Variants in ABCB5 observed in about 807,000 individuals in gnomAD.
ABCB5 encodes ATP binding cassette subfamily B member 5, also known as ATP-binding cassette sub-family B member 5.
A neutral mutation model predicts 144.2 loss-of-function variants in ABCB5; 155 were observed. The observed-to-expected ratio is 1.08, with a 90% CI of 0.94 to 1.23. The LOEUF is 1.23. Ranked by LOEUF, ABCB5 falls within the 50% of genes most tolerant of loss-of-function variation. The pLI is 0.00. For missense variants in ABCB5, 1,830 were observed against 1,520.8 expected, an observed-to-expected ratio of 1.20 and a Z score of -3.38; for synonymous variants, 610 against 528.6, an observed-to-expected ratio of 1.15 and a Z score of -2.11.
At chr7:20,657,212 T>C (rs938112894) in intron 13 of ABCB5, among the ~76,000 whole-genome samples, 3 of 152,212 alleles carry the variant, frequency 2.0e-5, no homozygotes, top group Non-Finnish European at 2.9e-5. Flanking sequence ...CCCGGACAAA[T>C]TGTGATAGAT....
At chr7:20,670,684 C>T (rs926515613) in intron 14 of ABCB5, among the ~76,000 whole-genome samples, 12 of 152,206 alleles carry the variant, frequency 7.9e-5, no homozygotes, top group African/African-American at 2.4e-4. Context: ...CCAAGGTGGG[C>T]GCATCACCTG....
chr7:20,699,843 A>G lies in ABCB5; in HGVS notation c.2173A>G (p.Lys725Glu), dbSNP rs753853837. ...TTTTCAGATGTTTGGAAATAATGAT[A>G]AAACCACATTAAAGCATGATGCAGA... ...KIITMFGNND[K>E]TTLKHDAEIY... The change falls in exon 18 of 28, where the codon AAA (lysine) becomes GAA (glutamate). Residue 725 changes from lysine to glutamate, a missense_variant. Lys to Glu is a moderately conservative substitution (Grantham distance 56). Coordinates refer to ENST00000404938, the MANE Select transcript of ABCB5 (RefSeq NM_001163941.2). 1.9e-6 allele frequency: 3 copies of G among 1,606,656 alleles called. No individual in the cohort carries two copies. The highest frequency in any genetic ancestry group is 1.1e-5 in the South Asian group (1 of 89,130).
intron 21 of ABCB5, among the ~76,000 whole-genome samples, chr7:20,723,591 A>T (rs1346636373): frequency 6.6e-6 from 1 of 152,246 alleles, no homozygotes; most frequent in African/African-American, 2.4e-5. Flanking sequence ...TTTTGTGAAT[A>T]TTGCATAAAA....
Position 20,755,631 on chromosome 7 carries a change from T to C in ABCB5, c.*7T>C, listed in dbSNP as rs1783066634. ...TGCACAGTCAGTGCAGTGATGCTGT[T>C]GAGGTAGCACATATTTTGATGTTCG... On this transcript the variant is annotated 3_prime_UTR_variant, in exon 28 of 28. Coordinates refer to ENST00000404938, the MANE Select transcript of ABCB5 (RefSeq NM_001163941.2). 2 of 1,613,400 alleles carry C rather than the reference T, an allele frequency of 1.2e-6. No homozygotes were observed. Among genetic ancestry groups the C allele is most frequent in the East Asian group, 4.5e-5 (2 of 44,870 alleles).
intron 3 of ABCB5, among the ~76,000 whole-genome samples, chr7:20,627,321 G>C (rs948503450): frequency 6.6e-6 from 1 of 152,152 alleles, no homozygotes; most frequent in Non-Finnish European, 1.5e-5. Flanking sequence ...GAAGGTAGAG[G>C]AGCAGATACT....
chr7:20,728,236 C>T, intron 22 of ABCB5, 79 bp from the exon 23 acceptor site: 1 of 1,428,908 alleles, frequency 7.0e-7, no homozygotes, highest in Non-Finnish European at 9.4e-7. Flanking sequence ...AAAGTCCTCT[C>T]TATTTATTAC....
At chr7:20,704,313 T>C (rs1786743507) in intron 19 of ABCB5, among the ~76,000 whole-genome samples, 1 of 152,052 alleles carries the variant, frequency 6.6e-6, no homozygotes, top group Admixed American at 6.6e-5. Context: ...CTAGACTCAA[T>C]CCTCCCACCT....
At chr7:20,644,308 G>C (rs1365541892) in intron 7 of ABCB5, among the ~76,000 whole-genome samples, 1 of 151,966 alleles carries the variant, frequency 6.6e-6, no homozygotes, top group Non-Finnish European at 1.5e-5. Context: ...CGAATTCTTG[G>C]GCTGAAGCTA....
Position 20,668,590 on chromosome 7 carries a change from T to TC in ABCB5, c.1707+9914_1707+9915insC, listed in dbSNP as rs1220263603. On this transcript the variant is annotated intron_variant, in intron 14 of 27. Coordinates refer to ENST00000404938, the MANE Select transcript of ABCB5 (RefSeq NM_001163941.2). ...GCAGCCACCCCGTCCGGGAGGGAGG[T>TC]GGGGGGGGGGGTCAGCCCCCCGCCC... 3.6e-5 allele frequency among the ~76,000 whole-genome samples: 4 copies of TC among 110,840 alleles called. No homozygotes were observed. The South Asian group carries it at 9.5e-4, about 26-fold the overall frequency. 72.7% of individuals were successfully genotyped at this position (110,840 alleles called of 152,430 possible). A position where few individuals can be genotyped will look rare whatever the true frequency, so the allele number is the denominator to read the frequency against.
intron 1 of ABCB5, among the ~76,000 whole-genome samples, chr7:20,619,791 A>G (rs954884417): frequency 2.6e-5 from 4 of 152,190 alleles, no homozygotes; most frequent in African/African-American, 9.7e-5. Flanking sequence ...GTTTTCTTCC[A>G]GGGTTTTTAT....
At chr7:20,683,899 C>G (rs1188642508) in intron 15 of ABCB5, among the ~76,000 whole-genome samples, 2 of 152,078 alleles carry the variant, frequency 1.3e-5, no homozygotes, top group African/African-American at 4.8e-5. Flanking sequence ...CTAAAATAAT[C>G]CCGAGAAGCA....
chr7:20,643,720 T>C, intron 7 of ABCB5, 88 bp downstream of exon 7: 4 of 1,442,142 alleles, frequency 2.8e-6, no homozygotes, highest in Non-Finnish European at 2.9e-6. Flanking sequence ...GGCTTTTCTA[T>C]TCACTTGCCA....
chr7:20,739,031 C>G lies in ABCB5; in HGVS notation c.2916C>G (p.Leu972=). 4 of 1,611,550 alleles carry G rather than the reference C, an allele frequency of 2.5e-6. No homozygotes were observed. Among genetic ancestry groups the G allele is most frequent in the Non-Finnish European group, 3.4e-6 (4 of 1,178,932 alleles). The change falls in exon 24 of 28, where the codon CTC becomes CTG. Residue 972 remains leucine, a synonymous_variant. Transcript: ENST00000404938. ...AYGAMAIGET[L]VLAPEYSKAK... ...GAGCTATGGCCATCGGAGAAACGCT[C>G]GTTTTGGCTCCTGAATATTCCAAAG...
intron 5 of ABCB5, among the ~76,000 whole-genome samples, chr7:20,633,854 T>C (rs1259163774): frequency 1.3e-5 from 2 of 152,126 alleles, no homozygotes; most frequent in Admixed American, 1.3e-4. Context: ...ATTTTAGCCA[T>C]GGCCATTTGT....
intron 2 of ABCB5, among the ~76,000 whole-genome samples, chr7:20,623,639 C>G (rs947956889): frequency 2.0e-5 from 3 of 152,114 alleles, no homozygotes; most frequent in South Asian, 2.1e-4. Flanking sequence ...AAGAAAGGCA[C>G]CTGCAAATTT....
intron 4 of ABCB5, among the ~76,000 whole-genome samples, chr7:20,631,089 C>T (rs961670232): frequency 2.6e-5 from 4 of 152,086 alleles, no homozygotes; most frequent in South Asian, 2.1e-4. Context: ...TAATAGCTAT[C>T]ATTAGTTGGG....
intron 26 of ABCB5, among the ~76,000 whole-genome samples, chr7:20,751,974 G>A (rs1782944914): frequency 6.6e-6 from 1 of 152,220 alleles, no homozygotes; most frequent in Non-Finnish European, 1.5e-5. Context: ...AAATTGAAAA[G>A]TAAGCTTTGA....
chr7:20,617,099 C>G (rs370017113), intron 1 of ABCB5, among the ~76,000 whole-genome samples: 1 of 152,158 alleles, frequency 6.6e-6, no homozygotes, highest in Non-Finnish European at 1.5e-5. Flanking sequence ...TGACCACTCT[C>G]TAATTTTCCT....
In ABCB5 at chr7:20,626,503, T is replaced by G. The variant is rs536940255; in HGVS notation, c.54-54T>G. The G allele has an allele frequency of 2.6e-6, 4 of 1,529,890 alleles. No homozygotes were observed. In the South Asian group the frequency reaches 5.0e-5, roughly 19 times the overall value. 94.8% of individuals were successfully genotyped at this position (1,529,890 alleles called of 1,614,324 possible). ...TTCTGCAAACTATTAATGGAAAAAT[T>G]TTGCAAATTATATTCACATTGTAAC... On this transcript the variant is annotated intron_variant, in intron 2 of 27. Transcript: ENST00000404938.
Sources: allele counts gnomAD v4.1 joint callset (sites outside exome capture counted in the v4.1 genomes callset), GRCh38; gene constraint gnomAD v4.1.1; transcripts MANE v1.5; gene names NCBI Gene and HGNC (gene_info 2026-07-23, HGNC 2026-07-21).